LOC400499: variants seen among roughly 807,000 people sequenced by gnomAD.
chr16:11,415,822 C>T, the LOC400499 span, among the ~76,000 whole-genome samples: 4 of 152,070 alleles, frequency 2.6e-5, no homozygotes, highest in Non-Finnish European at 4.4e-5. Flanking sequence ...GGCCTCCCCT[C>T]ACTTGACTGT....
At chr16:11,496,106 A>T in the LOC400499 span, among the ~76,000 whole-genome samples, 1 of 146,486 alleles carries the variant, frequency 6.8e-6, no homozygotes, top group Non-Finnish European at 1.5e-5. Context: ...TGCTCTTGTC[A>T]CCCAGGCTGG....
At chr16:11,513,057 T>C in the LOC400499 span, among the ~76,000 whole-genome samples, 1 of 152,232 alleles carries the variant, frequency 6.6e-6, no homozygotes, top group Non-Finnish European at 1.5e-5. Context: ...CCGTGTGACC[T>C]TGGACAAGTC....
the LOC400499 span, among the ~76,000 whole-genome samples, chr16:11,407,869 G>A: frequency 6.6e-6 from 1 of 151,518 alleles, no homozygotes; most frequent in Non-Finnish European, 1.5e-5. Context: ...CAGGTTGGCT[G>A]AAAAGCAGAA....
the LOC400499 span, among the ~76,000 whole-genome samples, chr16:11,482,703 C>T: frequency 1.3e-5 from 2 of 151,952 alleles, no homozygotes; most frequent in Non-Finnish European, 2.9e-5. Flanking sequence ...TCAGCCTGGG[C>T]AACACAGTGA....
chr16:11,389,139 G>GTGCTCTT, the LOC400499 span, among the ~76,000 whole-genome samples: 2 of 152,076 alleles, frequency 1.3e-5, no homozygotes, highest in East Asian at 3.9e-4. Flanking sequence ...GTGCAGTAGT[G>GTGCTCTT]ACCCCCACCT....
At chr16:11,467,828 C>T in the LOC400499 span, among the ~76,000 whole-genome samples, 1 of 152,272 alleles carries the variant, frequency 6.6e-6, no homozygotes, top group South Asian at 2.1e-4. Context: ...AACCCTAAGC[C>T]GCAGGACCTG....
At chr16:11,471,936 G>A in the LOC400499 span, 3 of 397,662 alleles carry the variant, frequency 7.5e-6, no homozygotes, top group African/African-American at 6.2e-5. Context: ...TCTGAGGAAA[G>A]GCACCATGTA....
chr16:11,393,733 C>T, the LOC400499 span, among the ~76,000 whole-genome samples: 85 of 152,280 alleles, frequency 5.6e-4, 2 homozygotes, highest in Middle Eastern at 3.4e-3. Context: ...AGGTTCCCCA[C>T]GCCATATCCC....
the LOC400499 span, among the ~76,000 whole-genome samples, chr16:11,514,853 A>G: frequency 6.6e-6 from 1 of 152,232 alleles, no homozygotes; most frequent in East Asian, 1.9e-4. Flanking sequence ...AAACATTTCA[A>G]ACAGCAGAGG....
the LOC400499 span, among the ~76,000 whole-genome samples, chr16:11,375,145 A>AGTTCC: frequency 1.7e-4 from 22 of 130,220 alleles, no homozygotes; most frequent in African/African-American, 4.2e-4. Flanking sequence ...ACTGCACCTG[A>AGTTCC]CCTATTAACT....
the LOC400499 span, chr16:11,462,250 C>A: frequency 6.5e-7 from 1 of 1,528,850 alleles, no homozygotes; most frequent in South Asian, 1.2e-5. Context: ...CCTCCAGCTG[C>A]GCCTGGAACC....
chr16:11,435,912 C>A, the LOC400499 span: 1 of 399,212 alleles, frequency 2.5e-6, no homozygotes, highest in South Asian at 1.3e-4. Context: ...CAGGAAGGGT[C>A]TATGGGATCC....
chr16:11,435,928 G>A, the LOC400499 span: 8 of 399,078 alleles, frequency 2.0e-5, no homozygotes, highest in South Asian at 3.9e-4. Context: ...GATCCTGGGT[G>A]TGGGGGAGGG....
chr16:11,464,255 T>C, the LOC400499 span, among the ~76,000 whole-genome samples: 1 of 152,240 alleles, frequency 6.6e-6, no homozygotes, highest in Non-Finnish European at 1.5e-5. Context: ...CAGAAACAGA[T>C]GCTCGCTCTC....
the LOC400499 span, among the ~76,000 whole-genome samples, chr16:11,401,699 C>T: frequency 6.6e-6 from 1 of 152,226 alleles, no homozygotes. Flanking sequence ...CAGGTCACTG[C>T]ACCTCTAAGT....
chr16:11,426,980 A>T, the LOC400499 span, among the ~76,000 whole-genome samples: 1 of 148,578 alleles, frequency 6.7e-6, no homozygotes, highest in South Asian at 2.1e-4. Context: ...ACAAATCAAT[A>T]AAAGACAAAC....
At chr16:11,412,417 T>G in the LOC400499 span, among the ~76,000 whole-genome samples, 1 of 152,184 alleles carries the variant, frequency 6.6e-6, no homozygotes, top group Non-Finnish European at 1.5e-5. Context: ...AACTCGCCCC[T>G]AGGTGAGAAC....
the LOC400499 span, chr16:11,461,969 G>A: frequency 2.8e-6 from 2 of 705,034 alleles, no homozygotes; most frequent in African/African-American, 1.8e-5. Context: ...GGAGGTTCTG[G>A]GGGCTCACAT....
the LOC400499 span, chr16:11,461,061 C>A: frequency 6.5e-7 from 1 of 1,536,146 alleles, no homozygotes; most frequent in Non-Finnish European, 8.7e-7. Context: ...CTGGCACAAA[C>A]AGCTCGGCAC....
Sources: allele counts gnomAD v4.1 joint callset (sites outside exome capture counted in the v4.1 genomes callset), GRCh38; gene constraint gnomAD v4.1.1; transcripts MANE v1.5.